The following TNFAIP8L3 variants were observed in gnomAD, a reference collection of about 807,000 sequenced individuals.
TNFAIP8L3 encodes the protein TNF alpha induced protein 8 like 3, also known as tumor necrosis factor alpha-induced protein 8-like protein 3.
A neutral mutation model predicts 11.8 loss-of-function variants in TNFAIP8L3; 7 were observed. The observed-to-expected ratio is 0.59, with a 90% CI of 0.34 to 1.11. The LOEUF is 1.11. Ranked by LOEUF, TNFAIP8L3 falls within the 50% of genes most tolerant of loss-of-function variation. The pLI, the probability that TNFAIP8L3 is intolerant of heterozygous loss-of-function variation, is 0.03. For synonymous variants in TNFAIP8L3, 98 were observed against 103.8 expected (o/e 0.94, Z 0.34); for missense variants, 219 against 258.6 (o/e 0.85, Z 1.05).
chr15:51,071,524 T>G (rs1180350642), intron 1 of TNFAIP8L3, among the ~76,000 whole-genome samples: 1 of 152,248 alleles, frequency 6.6e-6, no homozygotes, highest in East Asian at 1.9e-4. Flanking sequence ...ACTACACAGA[T>G]CCTTCTACAA....
Position 51,100,463 on chromosome 15 carries a change from T to C in TNFAIP8L3, c.172+4542A>G, listed in dbSNP as rs1431396258. Among the ~76,000 whole-genome samples the C allele has an allele frequency of 3.9e-5, 6 of 152,280 alleles. No individual in the cohort carries two copies. The East Asian group carries it at 1.2e-3, about 29-fold the overall frequency. Reference sequence around the variant, plus strand: ...TTGATGCTTGTGCTTATCAATGGTATAGATTACCATACTAACACAGGTAAG... The same window carrying C: ...TTGATGCTTGTGCTTATCAATGGTACAGATTACCATACTAACACAGGTAAG... On this transcript the variant is annotated intron_variant, in intron 1 of 2. Transcript: ENST00000327536.
At chr15:51,094,912 G>T (rs2065501407), upstream of TNFAIP8L3, among the ~76,000 whole-genome samples, 1 of 151,598 alleles carries the variant, frequency 6.6e-6, no homozygotes. The surrounding 1 kb of genome is among the most constrained non-coding windows in gnomAD (Gnocchi z 4.4). Context: ...CCGGCGCCCG[G>T]CGGGCTCCAG....
At chr15:51,097,856 G>C (rs2140985227), upstream of TNFAIP8L3, among the ~76,000 whole-genome samples, 1 of 151,950 alleles carries the variant, frequency 6.6e-6, no homozygotes, top group South Asian at 2.1e-4. Context: ...ATTTCTTGTG[G>C]GGGGGGAAAA....
chr15:51,090,570 G>C (rs1224959256), intron 1 of TNFAIP8L3, among the ~76,000 whole-genome samples: 1 of 152,124 alleles, frequency 6.6e-6, no homozygotes, highest in Non-Finnish European at 1.5e-5. Context: ...CTGTTTATTT[G>C]TGTCTTTTCT....
chr15:51,059,435 G>A (rs528202776), intron 1 of TNFAIP8L3, among the ~76,000 whole-genome samples: 1 of 152,082 alleles, frequency 6.6e-6, no homozygotes, highest in South Asian at 2.1e-4. Flanking sequence ...CACATAAAAT[G>A]GCATCTTACA....
rs753502520 is a variant in TNFAIP8L3, at chr15:51,058,364, C to T, written c.132G>A (p.Val44=). 1 of 1,614,028 alleles carries T rather than the reference C, an allele frequency of 6.2e-7. No individual in the cohort carries two copies. Among genetic ancestry groups the T allele is most frequent in the Non-Finnish European group, 8.5e-7 (1 of 1,180,008 alleles). Reference sequence around the variant, plus strand: ...TGGTGTCATCAATCAACATGTTGGCCACAGTTTTGCTGGCTATTTTGCTCA... The same window carrying T: ...TGGTGTCATCAATCAACATGTTGGCTACAGTTTTGCTGGCTATTTTGCTCA... ...KILSKIASKT[V]ANMLIDDTSS... Residue 44 remains valine, a synonymous_variant, in exon 2 of 2, where the codon GTG becomes GTA. Transcript: ENST00000637513.
intron 1 of TNFAIP8L3, among the ~76,000 whole-genome samples, chr15:51,083,008 T>C (rs983094776): frequency 2.0e-5 from 3 of 152,216 alleles, no homozygotes; most frequent in Non-Finnish European, 4.4e-5. Context: ...TGATGGGGAA[T>C]ACCAACTATT....
intron 1 of TNFAIP8L3, among the ~76,000 whole-genome samples, chr15:51,070,943 T>C (rs1338017449): frequency 7.1e-6 from 1 of 141,642 alleles, no homozygotes; most frequent in Admixed American, 7.2e-5. Flanking sequence ...CCCAGCTACT[T>C]GGGAGGCTGA....
chr15:51,060,727 C>T lies in TNFAIP8L3; in HGVS notation c.53-2284G>A, dbSNP rs1010262728. On this transcript the variant is annotated intron_variant, in intron 1 of 1. Transcript: ENST00000637513. ...GGGCTGGGTTAAGTGGGCATTTTCC[C>T]GAGGCTTTCCTGCTGGCCTGATTCC... Among the ~76,000 whole-genome samples the T allele has an allele frequency of 2.0e-5, 3 of 152,218 alleles. 1 individual carries two copies. The highest frequency in any genetic ancestry group is 4.1e-4 in the South Asian group (2 of 4,820).
At chr15:51,095,990 C>T (rs1459112306), upstream of TNFAIP8L3, among the ~76,000 whole-genome samples, 1 of 152,174 alleles carries the variant, frequency 6.6e-6, no homozygotes, top group Non-Finnish European at 1.5e-5. Flanking sequence ...TTTGAAAATA[C>T]TTTTTGGAAG....
At chr15:51,096,300 TG>T (rs2065513283), upstream of TNFAIP8L3, among the ~76,000 whole-genome samples, 3 of 152,182 alleles carry the variant, frequency 2.0e-5, no homozygotes, top group South Asian at 6.3e-4. Context: ...AAACAAAGGA[TG>T]GCCAAGCTCA....
At chr15:51,072,281 C>CTAAT (rs1360248745) in intron 1 of TNFAIP8L3, among the ~76,000 whole-genome samples, 1 of 152,144 alleles carries the variant, frequency 6.6e-6, no homozygotes, top group Non-Finnish European at 1.5e-5. Flanking sequence ...ACTGGGATTA[C>CTAAT]AGGCATGCAC....
chr15:51,062,792 G>T (rs1021647207), intron 1 of TNFAIP8L3, among the ~76,000 whole-genome samples: 1 of 152,164 alleles, frequency 6.6e-6, no homozygotes, highest in African/African-American at 2.4e-5. Flanking sequence ...AGAGAGAAGT[G>T]GGTGTGGTAG....
At chr15:51,083,632 T>C (rs3803369) in intron 1 of TNFAIP8L3, among the ~76,000 whole-genome samples, 122,830 of 152,220 alleles carry the variant, frequency 0.81, 49,931 homozygotes, top group East Asian at 0.98. Context: ...TGCTGCAGTG[T>C]CCTTGGCCAG....
chr15:51,067,589 A>T (rs970409777), intron 1 of TNFAIP8L3, among the ~76,000 whole-genome samples: 1 of 152,244 alleles, frequency 6.6e-6, no homozygotes, highest in African/African-American at 2.4e-5. Context: ...TGGCATTCTG[A>T]GGGATGAGGG....
chr15:51,065,148 C>G (rs186819795), intron 1 of TNFAIP8L3, among the ~76,000 whole-genome samples: 3 of 152,304 alleles, frequency 2.0e-5, no homozygotes, highest in Admixed American at 6.5e-5. Flanking sequence ...GGTAGAAAGA[C>G]AGGGGGCTTC....
chr15:51,074,675 C>T (rs1477544052), intron 1 of TNFAIP8L3, among the ~76,000 whole-genome samples: 7 of 152,178 alleles, frequency 4.6e-5, no homozygotes, highest in East Asian at 1.9e-4. Flanking sequence ...CTGAAATAGT[C>T]GGGATGACAG....
intron 1 of TNFAIP8L3, among the ~76,000 whole-genome samples, chr15:51,059,374 C>G (rs1187531069): frequency 6.6e-6 from 1 of 152,126 alleles, no homozygotes; most frequent in African/African-American, 2.4e-5. Context: ...AAAATTCTAA[C>G]TAATAAGAAA....
chr15:51,072,859 C>T (rs1225108778), intron 1 of TNFAIP8L3, among the ~76,000 whole-genome samples: 1 of 152,068 alleles, frequency 6.6e-6, no homozygotes, highest in African/African-American at 2.4e-5. Flanking sequence ...GGAAGTGCCC[C>T]TCCTCACCCT....
Sources: allele counts gnomAD v4.1 joint callset (sites outside exome capture counted in the v4.1 genomes callset), GRCh38; gene constraint gnomAD v4.1.1; non-coding constraint Gnocchi (gnomAD v3.1); transcripts MANE v1.5; gene names NCBI Gene and HGNC (gene_info 2026-07-23, HGNC 2026-07-21).